SIGLEC8: variants seen among roughly 807,000 people sequenced by gnomAD.
SIGLEC8 encodes sialic acid binding Ig like lectin 8.
Under a neutral mutation model 42.1 loss-of-function variants are expected in SIGLEC8, and 32 were observed. That is an observed-to-expected ratio of 0.76 (90% CI 0.57 to 1.02). SIGLEC8 has a LOEUF of 1.02. SIGLEC8 is among the 50% of genes least tolerant of loss of function. The pLI, the probability that SIGLEC8 is intolerant of heterozygous loss-of-function variation, is 0.00. For synonymous variants in SIGLEC8, 262 were observed against 260.3 expected (o/e 1.01, Z -0.06); for missense variants, 611 against 610.2 (o/e 1.00, Z -0.01).
In SIGLEC8 at chr19:51,452,370, C is replaced by T. The variant is rs192343167; in HGVS notation, c.*9G>A. ...CATGGGGCTCTAGAGGGTTCTTGTT[C>T]TATGAGAATCAGCCTCTGACTTCTT... On this transcript the variant is annotated 3_prime_UTR_variant, in exon 7 of 7. Coordinates refer to ENST00000321424, the MANE Select transcript of SIGLEC8 (RefSeq NM_014442.3). The T allele has an allele frequency of 2.1e-4, 334 of 1,589,222 alleles. No homozygotes were observed. The African/African-American group carries it at 4.0e-3, about 19-fold the overall frequency.
At chr19:51,457,338 G>T in intron 2 of SIGLEC8, 107 bp from the exon 3 acceptor site, 2 of 1,494,866 alleles carry the variant, frequency 1.3e-6, no homozygotes, top group South Asian at 1.2e-5. Flanking sequence ...GCATTCTCCT[G>T]ACCCCACTCC....
In SIGLEC8 at chr19:51,454,107, A is replaced by G; in HGVS notation, c.1245+112T>C. 1 of 1,530,674 alleles carries G rather than the reference A, an allele frequency of 6.5e-7. No homozygotes were observed. The highest frequency in any genetic ancestry group is 8.8e-7 in the Non-Finnish European group (1 of 1,139,794). The allele number at this position is 1,530,674 out of a possible 1,614,324, so 94.8% of individuals were successfully genotyped here. A position where few individuals can be genotyped will look rare whatever the true frequency, so the allele number is the denominator to read the frequency against. ...CTGTAGAAGCCGGCCTGTGGGAAGG[A>G]GGAGGAGACGAGGAAGTGACTTTGG... On this transcript the variant is annotated intron_variant, in intron 6 of 6. Transcript: ENST00000321424. The surrounding 1 kb of genome is among the most constrained non-coding windows in gnomAD (Gnocchi z 4.7).
rs773352919 is a variant in SIGLEC8 at position 51,457,617 on chromosome 19, C to T, written c.577G>A (p.Gly193Arg). 5 of 1,612,442 alleles carry T rather than the reference C, an allele frequency of 3.1e-6. No homozygotes were observed. Among genetic ancestry groups the T allele is most frequent in the Non-Finnish European group, 4.2e-6 (5 of 1,179,236 alleles). ...QGTPPMISWI[G>R]ASVSSPGPTT... ...GGGCCCGGGGAGGACACGGAGGCCCCAATCCAGGAGATCATGGGGGGTGTC... is the reference window on the plus strand; with the variant it reads ...GGGCCCGGGGAGGACACGGAGGCCCTAATCCAGGAGATCATGGGGGGTGTC... Residue 193 changes from glycine (G) to arginine (R), a missense_variant, in exon 2 of 7, where the codon GGG (glycine) becomes AGG (arginine). Transcript: ENST00000321424.
chr19:51,457,887 C>G, intron 1 of SIGLEC8, 47 bp downstream of exon 1: 11 of 1,591,526 alleles, frequency 6.9e-6, no homozygotes, highest in East Asian at 2.2e-5. Context: ...TGCCTTTCAG[C>G]CCCTCATGAC....
At position 51,452,106 on chromosome 19, in the gene SIGLEC8, A is replaced by G. The variant is rs964901001; in HGVS notation, c.*273T>C. ...GCTTGATTCTGTCATTTGAGAGAAC[A>G]TGGATGAACCTAGGGGATATTTTTT... is the stretch of plus-strand genomic sequence containing the variant. On this transcript the variant is annotated 3_prime_UTR_variant, in exon 7 of 7. Coordinates refer to ENST00000321424, the MANE Select transcript of SIGLEC8 (RefSeq NM_014442.3). 1.3e-5 allele frequency: 4 copies of G among 317,958 alleles called. No individual in the cohort carries two copies. Among genetic ancestry groups the G allele is most frequent in the African/African-American group, 6.4e-5 (3 of 47,068 alleles). 19.7% of individuals were successfully genotyped at this position (317,958 alleles called of 1,614,324 possible).
rs146821067 is a variant in SIGLEC8, at chr19:51,458,133, G to C, written c.255C>G (p.Asp85Glu). ...QDAPVATNNP[D>E]REVQAETQGR... ...CCTGGGTCTCTGCCTGCACTTCTCT[G>C]TCTGGGTTGTTTGTGGCCACTGGAG... is the stretch of plus-strand genomic sequence containing the variant. Residue 85 changes from aspartate (D) to glutamate (E), a missense_variant, in exon 1 of 7, where the codon GAC becomes GAG. By Grantham distance (45) the Asp-to-Glu change is conservative (BLOSUM62 2). Transcript: ENST00000321424. 7 of 1,614,022 alleles carry C rather than the reference G, an allele frequency of 4.3e-6. No homozygotes were observed. The African/African-American group carries it at 8.0e-5, about 18-fold the overall frequency.
At chr19:51,453,582 C>T (rs914287909) in intron 6 of SIGLEC8, 3 of 402,224 alleles carry the variant, frequency 7.5e-6, no homozygotes, top group Non-Finnish European at 1.0e-5. Flanking sequence ...GTAATCCTGG[C>T]TACTTGGGAG....
Position 51,458,189 on chromosome 19 carries a change from A to G in SIGLEC8, c.199T>C (p.Phe67Leu). 1 of 1,613,966 alleles carries G rather than the reference A, an allele frequency of 6.2e-7. No individual in the cohort carries two copies. Among genetic ancestry groups the G allele is most frequent in the Non-Finnish European group, 8.5e-7 (1 of 1,179,972 alleles). ...TGGTATGGTCTGTCTCCTGCCCGGA[A>G]CCAGTAGCCATGAACTGGGTCAGAG... ...TDSDPVHGYW[F>L]RAGDRPYQDA... Residue 67 changes from phenylalanine (F) to leucine (L), a missense_variant, in exon 1 of 7, where the codon TTC becomes CTC. Phe to Leu is a conservative substitution (Grantham distance 22, BLOSUM62 0). Transcript: ENST00000321424.
At chr19:51,455,324 C>T (rs746623224) in intron 4 of SIGLEC8, 94 bp downstream of exon 4, 117 of 1,496,248 alleles carry the variant, frequency 7.8e-5, no homozygotes, top group Non-Finnish European at 1.0e-4. Context: ...GAGCACAGAC[C>T]AGAGCTGAGC....
At chr19:51,452,693 G>C in intron 6 of SIGLEC8, 60 bp from the exon 7 acceptor site, 1 of 1,420,654 alleles carries the variant, frequency 7.0e-7, no homozygotes, top group Non-Finnish European at 9.3e-7. Flanking sequence ...GAGGCAGGGA[G>C]AGTCCAGGAA....
chr19:51,457,670 C>T lies in SIGLEC8; in HGVS notation c.524G>A (p.Cys175Tyr). 2 of 1,610,010 alleles carry T rather than the reference C, an allele frequency of 1.2e-6. No homozygotes were observed. Among genetic ancestry groups the T allele is most frequent in the Non-Finnish European group, 1.7e-6 (2 of 1,177,882 alleles). The change falls in exon 2 of 7, where the codon TGC becomes TAC. Residue 175 changes from cysteine to tyrosine, a missense_variant. Physicochemically the swap from Cys to Tyr is radical, Grantham distance 194. Transcript: ENST00000321424. ...CTGCTTACAGGCCCAGGGCACAGAG[C>T]AGGTCAGGTTCCTGGAGTGGCCAGA... ...LESGHSRNLT[C>Y]SVPWACKQGT...
At position 51,454,023 on chromosome 19, in the gene SIGLEC8, C is replaced by A; in HGVS notation, c.1245+196G>T. On this transcript the variant is annotated intron_variant, in intron 6 of 6. Coordinates refer to ENST00000321424, the MANE Select transcript of SIGLEC8 (RefSeq NM_014442.3). This position sits in a 1 kb window ranked among gnomAD's most constrained non-coding sequence, Gnocchi z 4.7. The stretch of plus-strand genomic sequence containing the variant: ...GAGAGGAGATAACTCCTACTCAGTG[C>A]CTGGCCTGGGAAAAATTGGGGGTAG... The A allele has an allele frequency of 1.0e-6, 1 of 985,252 alleles. No individual in the cohort carries two copies. The highest frequency in any genetic ancestry group is 1.2e-6 in the Non-Finnish European group (1 of 829,904). 61.0% of individuals were successfully genotyped at this position (985,252 alleles called of 1,614,324 possible).
At position 51,455,646 on chromosome 19, in the gene SIGLEC8, CAA is replaced by C; in HGVS notation, c.821_822del (p.Leu274ArgfsTer49). Reference protein sequence around the residue: ...ALGNGSSLSVLEGQSLRLVCA... With the variant: ...ALGNGSSLSVXEGQSLRLVCA... ...CAGACCAGGCGCAGAGACTGGCCCT[CAA>C]GGACTGAAAGAGATGAGCCATTTCC... is the stretch of plus-strand genomic sequence containing the variant. On this transcript the variant is annotated frameshift_variant, in exon 4 of 7. Transcript: ENST00000321424. LOFTEE classifies it high-confidence loss of function. The C allele has an allele frequency of 6.2e-7, 1 of 1,613,764 alleles. No individual in the cohort carries two copies. The highest frequency in any genetic ancestry group is 8.5e-7 in the Non-Finnish European group (1 of 1,179,840).
chr19:51,452,568 G>T lies in SIGLEC8; in HGVS notation c.1311C>A (p.Pro437=). 1 of 1,586,332 alleles carries T rather than the reference G, an allele frequency of 6.3e-7. No individual in the cohort carries two copies. Among genetic ancestry groups the T allele is most frequent in the Non-Finnish European group, 8.6e-7 (1 of 1,159,480 alleles). ...PLKKPPPAVA[P]SSGEEGELHY... is the part of the protein sequence containing the mutation. ...GGAGCTCTCCTTCCTCCCCTGACGA[G>T]GGGGCAACAGCTGGGGGAGGCTTCT... Residue 437 remains proline, a synonymous_variant, in exon 7 of 7, where the codon CCC becomes CCA. Coordinates refer to ENST00000321424, the MANE Select transcript of SIGLEC8 (RefSeq NM_014442.3).
At position 51,453,892 on chromosome 19, in the gene SIGLEC8, G is replaced by A. The variant is rs111349975; in HGVS notation, c.1245+327C>T. On this transcript the variant is annotated intron_variant, in intron 6 of 6. Coordinates refer to ENST00000321424, the MANE Select transcript of SIGLEC8 (RefSeq NM_014442.3). ...CCCGCCAATAGGAAAAATAATGAGA[G>A]GGGTCAGGATGGCTGGGGCCAGGGA... 6.1e-6 allele frequency: 6 copies of A among 985,264 alleles called. 1 individual carries two copies. Among genetic ancestry groups the A allele is most frequent in the Middle Eastern group, 1.0e-3 (2 of 1,914 alleles). 61.0% of individuals were successfully genotyped at this position (985,264 alleles called of 1,614,324 possible). A position where few individuals can be genotyped will look rare whatever the true frequency, so the allele number is the denominator to read the frequency against.
At chr19:51,453,276 G>A (rs1366281619) in intron 6 of SIGLEC8, among the ~76,000 whole-genome samples, 1 of 152,026 alleles carries the variant, frequency 6.6e-6, no homozygotes, top group Non-Finnish European at 1.5e-5. Flanking sequence ...TTTTTGTAGA[G>A]ATGGGATCTC....
In SIGLEC8 at chr19:51,454,268, C is replaced by T. The variant is rs1392072166; in HGVS notation, c.1196G>A (p.Gly399Glu). The change falls in exon 6 of 7, where the codon GGG (glycine) becomes GAG (glutamate). Residue 399 changes from glycine (G) to glutamate (E), a missense_variant. By Grantham distance (98) the Gly-to-Glu change is moderately conservative. Coordinates refer to ENST00000321424, the MANE Select transcript of SIGLEC8 (RefSeq NM_014442.3). This position sits in a 1 kb window ranked among gnomAD's most constrained non-coding sequence, Gnocchi z 4.7. ...CTTTGCATCTTCCATGCCTGTATCC[C>T]CCACGCCCGCTGCTGGCCTTGCCGA... Reference protein sequence around the residue: ...KKSARPAAGVGDTGMEDAKAI... With the variant: ...KKSARPAAGVEDTGMEDAKAI... The T allele has an allele frequency of 3.1e-6, 5 of 1,613,958 alleles. No homozygotes were observed. In the Admixed American group the frequency reaches 5.0e-5, roughly 16 times the overall value.
At position 51,452,187 on chromosome 19, in the gene SIGLEC8, T is replaced by C. The variant is rs1384377519; in HGVS notation, c.*192A>G. Reference sequence around the variant, plus strand: ...AGTACCACATGACCTCATCTCTATGTGGAATCTAAAATAGTCAACCTCAGA... The same window carrying C: ...AGTACCACATGACCTCATCTCTATGCGGAATCTAAAATAGTCAACCTCAGA... On this transcript the variant is annotated 3_prime_UTR_variant, in exon 7 of 7. Coordinates refer to ENST00000321424, the MANE Select transcript of SIGLEC8 (RefSeq NM_014442.3). 5 of 456,326 alleles carry C rather than the reference T, an allele frequency of 1.1e-5. No homozygotes were observed. The highest frequency in any genetic ancestry group is 2.0e-5 in the Non-Finnish European group (5 of 256,168). The allele number at this position is 456,326 out of a possible 1,614,324, so 28.3% of individuals were successfully genotyped here. A position where few individuals can be genotyped will look rare whatever the true frequency, so the allele number is the denominator to read the frequency against.
rs1989390663 is a variant in SIGLEC8, at chr19:51,452,578, G to C, written c.1301C>G (p.Ala434Gly). The change falls in exon 7 of 7, where the codon GCT (alanine) becomes GGT (glycine). Residue 434 changes from alanine to glycine, a missense_variant. By Grantham distance (60) the Ala-to-Gly change is moderately conservative. Transcript: ENST00000321424. ...DGNPLKKPPP[A>G]VAPSSGEEGE... is the part of the protein sequence containing the mutation. ...TTCCTCCCCTGACGAGGGGGCAACA[G>C]CTGGGGGAGGCTTCTTCAGGGGGTT... The C allele has an allele frequency of 3.2e-6, 5 of 1,577,090 alleles. No homozygotes were observed. Among genetic ancestry groups the C allele is most frequent in the Non-Finnish European group, 4.3e-6 (5 of 1,156,080 alleles).
Sources: gnomAD v4.1 joint callset for allele counts (sites outside exome capture counted in the v4.1 genomes callset) on GRCh38, gnomAD v4.1.1 for gene constraint, Gnocchi (gnomAD v3.1) non-coding constraint, MANE v1.5 for transcripts, NCBI Gene and HGNC (gene_info 2026-07-23, HGNC 2026-07-21) for gene names.